The following MGST1 variants were observed in gnomAD, a reference collection of about 807,000 sequenced individuals.
MGST1 encodes the protein glutathione S-transferase 12.
A neutral mutation model predicts 8.9 loss-of-function variants in MGST1; 5 were observed. That is an observed-to-expected ratio of 0.56 (90% CI 0.29 to 1.19). The LOEUF (loss-of-function observed/expected upper bound fraction) is 1.19. MGST1 is among the 50% of genes most tolerant of loss of function. The pLI is 0.08. For missense variants in MGST1, 182 were observed against 187.4 expected (o/e 0.97, Z 0.17); for synonymous variants, 54 against 67.8 (o/e 0.80, Z 1.00).
chr12:16,404,254 C>T (rs955795941), intron 1 of MGST1, among the ~76,000 whole-genome samples: 2 of 152,072 alleles, frequency 1.3e-5, no homozygotes, highest in African/African-American at 4.8e-5. Context: ...AATAAAGTGA[C>T]ATTAGCTTCC....
intron 1 of MGST1, among the ~76,000 whole-genome samples, chr12:16,414,725 T>C (rs1940772838): frequency 6.6e-6 from 1 of 152,122 alleles, no homozygotes. Context: ...AAGGTGGTTA[T>C]TTTAAAAATA....
intron 4 of MGST1, among the ~76,000 whole-genome samples, chr12:16,527,638 C>A (rs763957462): frequency 6.6e-6 from 1 of 151,980 alleles, no homozygotes; most frequent in Non-Finnish European, 1.5e-5. Flanking sequence ...GTTCTGGAAT[C>A]TTCTGGCTTG....
At chr12:16,578,821 C>A (rs11834066) in intron 4 of MGST1, among the ~76,000 whole-genome samples, 54 of 65,262 alleles carry the variant, frequency 8.3e-4, no homozygotes, top group African/African-American at 4.2e-3. Context: ...CTGTCTCAAA[C>A]AACAACAACA....
At chr12:16,543,514 G>A (rs1941804062) in intron 4 of MGST1, among the ~76,000 whole-genome samples, 1 of 151,974 alleles carries the variant, frequency 6.6e-6, no homozygotes, top group African/African-American at 2.4e-5. Flanking sequence ...ATGCAGATTA[G>A]CACATAAATG....
intron 4 of MGST1, among the ~76,000 whole-genome samples, chr12:16,462,555 C>CAAA (rs397972947): frequency 2.6e-5 from 4 of 151,288 alleles, no homozygotes; most frequent in South Asian, 2.1e-4. Context: ...TTTACCCCCC[C>CAAA]AAAAAAAACT....
chr12:16,558,643 A>G (rs1051344000), intron 4 of MGST1, among the ~76,000 whole-genome samples: 1 of 152,110 alleles, frequency 6.6e-6, no homozygotes, highest in Non-Finnish European at 1.5e-5. Context: ...ACTTGCTGGG[A>G]AGAGTCAAGA....
Position 16,449,069 on chromosome 12 carries a change from T to C in MGST1, n.482+65465T>C, listed in dbSNP as rs555925248. The stretch of plus-strand genomic sequence containing the variant: ...TCTTACGTTGAACTCTATGTAACTT[T>C]AGTTGTTATATTAGGCCATTCTTTT... On this transcript the variant is annotated intron_variant and non_coding_transcript_variant, in intron 4 of 4. Coordinates refer to the MGST1 transcript ENST00000538857. Among the ~76,000 whole-genome samples the C allele has an allele frequency of 2.6e-5, 4 of 152,068 alleles. 1 individual carries two copies. The South Asian group carries it at 6.2e-4, about 24-fold the overall frequency.
At chr12:16,464,771 A>G (rs1286550816) in intron 4 of MGST1, among the ~76,000 whole-genome samples, 1 of 152,202 alleles carries the variant, frequency 6.6e-6, no homozygotes, top group Non-Finnish European at 1.5e-5. Flanking sequence ...AGATTCTTCC[A>G]TCTTGTGGCC....
rs1173472492 is a variant in MGST1 at position 16,361,481 on chromosome 12, G to C, written c.222-2314G>C. Among the ~76,000 whole-genome samples the C allele has an allele frequency of 6.6e-6, 1 of 152,218 alleles. No homozygotes were observed. The highest frequency in any genetic ancestry group is 1.5e-5 in the Non-Finnish European group (1 of 68,026). On this transcript the variant is annotated intron_variant, in intron 3 of 3. Coordinates refer to ENST00000396210, the MANE Select transcript of MGST1 (RefSeq NM_020300.5). This position sits in a 1 kb window ranked among gnomAD's most constrained non-coding sequence, Gnocchi z 4.2. ...ATGGGGAAGAAGGGTAATAGACCCA[G>C]GTAGAAAGTGGACTCTTAGGAAGAC...
intron 1 of MGST1, among the ~76,000 whole-genome samples, chr12:16,392,512 A>C (rs1031486238): frequency 6.6e-6 from 1 of 152,150 alleles, no homozygotes; most frequent in African/African-American, 2.4e-5. Context: ...AGTTCCATAC[A>C]TTTCAGTTTC....
At chr12:16,451,222 C>T (rs1226875975) in intron 4 of MGST1, among the ~76,000 whole-genome samples, 2 of 151,734 alleles carry the variant, frequency 1.3e-5, no homozygotes, top group African/African-American at 4.8e-5. Context: ...AGCAATCAAA[C>T]AATTTATTTT....
intron 1 of MGST1, among the ~76,000 whole-genome samples, chr12:16,348,390 T>C (rs560794783): frequency 6.6e-6 from 1 of 152,248 alleles, no homozygotes; most frequent in Middle Eastern, 3.4e-3. Context: ...GAGGAAGCCA[T>C]GTGGAAGGAG....
intron 3 of MGST1, among the ~76,000 whole-genome samples, chr12:16,373,534 C>T (rs986983508): frequency 2.7e-5 from 4 of 150,708 alleles, no homozygotes; most frequent in Non-Finnish European, 3.0e-5. Context: ...GTTATGTATC[C>T]GTATCCATAA....
At chr12:16,427,645 G>A (rs1351858392) in intron 1 of MGST1, among the ~76,000 whole-genome samples, 3 of 152,286 alleles carry the variant, frequency 2.0e-5, no homozygotes, top group Admixed American at 1.3e-4. Flanking sequence ...GCATCCCAAA[G>A]TGCTGGGATT....
exon 2 of MGST1, chr12:16,438,243 T>C (rs1941005569): frequency 6.6e-6 from 1 of 151,946 alleles, no homozygotes; most frequent in Non-Finnish European, 1.5e-5. Context: ...TAATGTGATT[T>C]TTCTACAAAA....
At chr12:16,433,299 T>C (rs948278414) in intron 1 of MGST1, among the ~76,000 whole-genome samples, 2 of 152,014 alleles carry the variant, frequency 1.3e-5, no homozygotes, top group Non-Finnish European at 2.9e-5. Context: ...CCTTTCCCAG[T>C]CCACTGACTC....
Position 16,363,323 on chromosome 12 carries a change from TG to T in MGST1, c.222-469del, listed in dbSNP as rs1233574829. ...ATTAATTATTGGCAACCTAGTGGTTTGGGTTGGCAAGGATTCTGTCAATAAT... is the reference window on the plus strand; with the variant it reads ...ATTAATTATTGGCAACCTAGTGGTTTGGTTGGCAAGGATTCTGTCAATAAT... On this transcript the variant is annotated intron_variant, in intron 3 of 3. Coordinates refer to ENST00000396210, the MANE Select transcript of MGST1 (RefSeq NM_020300.5). This position sits in a 1 kb window ranked among gnomAD's most constrained non-coding sequence, Gnocchi z 4.6. The T allele has an allele frequency of 6.6e-6, 1 of 152,206 alleles. No individual in the cohort carries two copies. Among genetic ancestry groups the T allele is most frequent in the African/African-American group, 2.4e-5 (1 of 41,436 alleles). The allele number at this position is 152,206 out of a possible 1,614,324, so 9.4% of individuals were successfully genotyped here. A position where few individuals can be genotyped will look rare whatever the true frequency, so the allele number is the denominator to read the frequency against.
chr12:16,503,479 T>C lies in MGST1; in HGVS notation n.483-86049T>C, dbSNP rs951884970. Among the ~76,000 whole-genome samples, 27 of 152,180 alleles carry C rather than the reference T, an allele frequency of 1.8e-4. No homozygotes were observed. The highest frequency in any genetic ancestry group is 6.5e-4 in the African/African-American group (27 of 41,442). ...AGACAGTCATTCTGTTGTCTTTCTTTCCCTTTAACTGCCTTTGTTATTAGG... is the reference window on the plus strand; with the variant it reads ...AGACAGTCATTCTGTTGTCTTTCTTCCCCTTTAACTGCCTTTGTTATTAGG... On this transcript the variant is annotated intron_variant and non_coding_transcript_variant, in intron 4 of 4. Transcript: ENST00000538857. This position sits in a 1 kb window ranked among gnomAD's most constrained non-coding sequence, Gnocchi z 4.8.
chr12:16,455,333 T>A (rs1413060321), intron 4 of MGST1, among the ~76,000 whole-genome samples: 1 of 151,808 alleles, frequency 6.6e-6, no homozygotes, highest in South Asian at 2.1e-4. Context: ...ATGAAGAAAA[T>A]GAGGTTTAGA....
Sources: gnomAD v4.1 joint callset for allele counts (sites outside exome capture counted in the v4.1 genomes callset) on GRCh38, gnomAD v4.1.1 for gene constraint, Gnocchi (gnomAD v3.1) non-coding constraint, MANE v1.5 for transcripts, NCBI Gene and HGNC (gene_info 2026-07-23, HGNC 2026-07-21) for gene names.